DEPDC5: variants seen among roughly 807,000 people sequenced by gnomAD.
The protein encoded by DEPDC5 is GATOR1 complex protein DEPDC5.
Under a neutral mutation model 217.3 loss-of-function variants are expected in DEPDC5, and 73 were observed. The ratio of observed to expected loss-of-function variants is 0.34; its 90% CI spans 0.28 to 0.41. The LOEUF is 0.41. Ranked by LOEUF, DEPDC5 falls within the 10% of genes least tolerant of loss-of-function variation. DEPDC5 has a pLI of 1.00. For synonymous variants in DEPDC5, 733 were observed against 756.7 expected, an observed-to-expected ratio of 0.97 and a Z score of 0.51; for missense variants, 1,675 against 2,070.1, an observed-to-expected ratio of 0.81 and a Z score of 3.70.
intron 38 of DEPDC5, among the ~76,000 whole-genome samples, chr22:31,887,988 T>C (rs1403609578): frequency 2.6e-5 from 4 of 152,218 alleles, no homozygotes; most frequent in Admixed American, 6.5e-5. Context: ...TTGTTTTTTG[T>C]TTCAACATGT....
intron 7 of DEPDC5, among the ~76,000 whole-genome samples, chr22:31,777,182 A>G (rs1451242520): frequency 6.7e-6 from 1 of 149,412 alleles, no homozygotes; most frequent in Non-Finnish European, 1.5e-5. Context: ...GTGGTCTCGA[A>G]CTCCTGACCT....
chr22:31,806,823 A>T (rs2087596943), intron 18 of DEPDC5, among the ~76,000 whole-genome samples: 1 of 152,122 alleles, frequency 6.6e-6, no homozygotes, highest in Non-Finnish European at 1.5e-5. Flanking sequence ...CTGGGCAACA[A>T]ATATAGTGAG....
At chr22:31,769,035 C>T (rs912535527) in intron 7 of DEPDC5, 172 bp downstream of exon 7, 28 of 691,336 alleles carry the variant, frequency 4.1e-5, no homozygotes, top group Non-Finnish European at 5.5e-5. Flanking sequence ...CCAAGGTGGG[C>T]GGATCACGAG....
At chr22:31,804,585 G>A (rs1246267808) in intron 16 of DEPDC5, among the ~76,000 whole-genome samples, 7 of 152,076 alleles carry the variant, frequency 4.6e-5, no homozygotes, top group African/African-American at 1.4e-4. Context: ...GATTACAGGC[G>A]CCTGCCACCA....
At chr22:31,823,052 G>A (rs936828795) in intron 24 of DEPDC5, 8 of 417,224 alleles carry the variant, frequency 1.9e-5, no homozygotes, top group Non-Finnish European at 3.6e-5. Flanking sequence ...CAGCTTAGGA[G>A]CATAGTATTG....
intron 24 of DEPDC5, among the ~76,000 whole-genome samples, chr22:31,826,676 T>C (rs1453099608): frequency 1.3e-5 from 2 of 152,204 alleles, no homozygotes; most frequent in Non-Finnish European, 2.9e-5. Flanking sequence ...CATAACCCAA[T>C]TGTACAACTT....
Position 31,833,908 on chromosome 22 carries a change from TC to T in DEPDC5, c.2105-5del, listed in dbSNP as rs1400377462. The T allele has an allele frequency of 3.2e-6, 5 of 1,557,072 alleles. No individual in the cohort carries two copies. The highest frequency in any genetic ancestry group is 4.4e-6 in the Non-Finnish European group (5 of 1,148,038). Reference sequence around the variant, plus strand: ...TCTTAAGACAAGCTGTTTTTATCTTTCCATAGGTATGAATCCTAGGACCCAG... The same window carrying T: ...TCTTAAGACAAGCTGTTTTTATCTTTCATAGGTATGAATCCTAGGACCCAG... On this transcript the variant is annotated splice_polypyrimidine_tract_variant and splice_region_variant and intron_variant, in intron 24 of 42. Coordinates refer to ENST00000651528, the MANE Select transcript of DEPDC5 (RefSeq NM_001242896.3).
Position 31,797,376 on chromosome 22 carries a change from C to T in DEPDC5, c.768-224C>T, listed in dbSNP as rs572767338. On this transcript the variant is annotated intron_variant, in intron 12 of 42. Transcript: ENST00000651528. ...TACCATGGTGAAGCAGGAGAAAGAGCGAGCTCAGGGGAAACTGCCCCTTTT... is the reference window on the plus strand; with the variant it reads ...TACCATGGTGAAGCAGGAGAAAGAGTGAGCTCAGGGGAAACTGCCCCTTTT... Among the ~76,000 whole-genome samples, 6 of 152,148 alleles carry T rather than the reference C, an allele frequency of 3.9e-5. No individual in the cohort carries two copies. The East Asian group carries it at 5.8e-4, about 15-fold the overall frequency.
At chr22:31,858,092 G>C (rs1569126614) in intron 32 of DEPDC5, 1 of 152,158 alleles carries the variant, frequency 6.6e-6, no homozygotes, top group Non-Finnish European at 1.5e-5. Context: ...AAACCTCTTT[G>C]GTTCAATGCC....
intron 5 of DEPDC5, among the ~76,000 whole-genome samples, chr22:31,765,449 C>G (rs564247079): frequency 8.5e-5 from 13 of 152,140 alleles, no homozygotes; most frequent in African/African-American, 3.1e-4. Context: ...ACCACCGCAC[C>G]CAGCTAATTT....
At chr22:31,775,933 C>A (rs952796844) in intron 7 of DEPDC5, among the ~76,000 whole-genome samples, 2 of 148,996 alleles carry the variant, frequency 1.3e-5, no homozygotes, top group Non-Finnish European at 3.0e-5. Context: ...CCCAGCTACT[C>A]GGGAGGCTGA....
rs148601575 is a variant in DEPDC5, at chr22:31,839,559, C to T, written c.2515+714C>T. Among the ~76,000 whole-genome samples the T allele has an allele frequency of 3.8e-3, 570 of 151,952 alleles. 3 individuals are homozygous for T. Among genetic ancestry groups the T allele is most frequent in the South Asian group, 0.027 (128 of 4,820 alleles). On this transcript the variant is annotated intron_variant, in intron 27 of 42. Transcript: ENST00000651528. ...TCACCTAGTGATAACCTTGGATCAT[C>T]TTTGTCCCCATGAAAGCTTCTTGGG...
At chr22:31,795,348 G>A (rs925091898) in intron 12 of DEPDC5, among the ~76,000 whole-genome samples, 51 of 150,772 alleles carry the variant, frequency 3.4e-4, no homozygotes, top group South Asian at 1.1e-3. Flanking sequence ...GGGATTACAG[G>A]CATGAGCCAC....
chr22:31,804,790 C>G, intron 16 of DEPDC5, 52 bp from the exon 17 acceptor site: 1 of 1,575,070 alleles, frequency 6.3e-7, no homozygotes, highest in Admixed American at 1.8e-5. Flanking sequence ...AGAGCAGTTC[C>G]AAAACCTACT....
rs1161767456 is a variant in DEPDC5, at chr22:31,874,404, A to G, written c.3695A>G (p.Gln1232Arg). 6 of 1,610,412 alleles carry G rather than the reference A, an allele frequency of 3.7e-6. No individual in the cohort carries two copies. The highest frequency in any genetic ancestry group is 2.7e-5 in the African/African-American group (2 of 74,814). ...CAGGCGATGGCCATTGACATCATGCAGGTGAGACAGCAAGAGGGGCCCATA... is the reference window on the plus strand; with the variant it reads ...CAGGCGATGGCCATTGACATCATGCGGGTGAGACAGCAAGAGGGGCCCATA... ...QTQAMAIDIM[Q>R]KMLEEQLITH... is the part of the protein sequence containing the mutation. The change falls in exon 36 of 43, where the codon CAG (glutamine) becomes CGG (arginine). Residue 1232 changes from glutamine to arginine, a missense_variant and splice_region_variant. By Grantham distance (43) the Gln-to-Arg change is conservative. This residue lies in a region of DEPDC5 where 194 missense variants were observed against 199.3 expected (regional missense o/e 0.97). Coordinates refer to ENST00000651528, the MANE Select transcript of DEPDC5 (RefSeq NM_001242896.3).
intron 31 of DEPDC5, among the ~76,000 whole-genome samples, chr22:31,847,212 A>C (rs1221576645): frequency 6.6e-6 from 1 of 152,224 alleles, no homozygotes; most frequent in Non-Finnish European, 1.5e-5. Context: ...TAGCCCACAA[A>C]GTATTTCAAC....
At chr22:31,887,361 G>A (rs1208940842) in intron 38 of DEPDC5, among the ~76,000 whole-genome samples, 4 of 143,330 alleles carry the variant, frequency 2.8e-5, no homozygotes, top group Non-Finnish European at 6.0e-5. Flanking sequence ...AGAGGTTACA[G>A]TGTGCCGAGA....
chr22:31,782,657 C>T (rs965281675), intron 8 of DEPDC5, among the ~76,000 whole-genome samples: 4 of 152,202 alleles, frequency 2.6e-5, no homozygotes, highest in Admixed American at 2.6e-4. Flanking sequence ...AACTCATCAC[C>T]TGGCACATCT....
At chr22:31,877,878 C>T (rs1446262068) in intron 37 of DEPDC5, among the ~76,000 whole-genome samples, 1 of 151,856 alleles carries the variant, frequency 6.6e-6, no homozygotes, top group East Asian at 1.9e-4. Flanking sequence ...AATGGCTTCT[C>T]TGCCTCTGGG....
Sources: allele counts gnomAD v4.1 joint callset (sites outside exome capture counted in the v4.1 genomes callset), GRCh38; gene constraint gnomAD v4.1.1; regional missense constraint gnomAD v4.1.1; transcripts MANE v1.5; gene names NCBI Gene and HGNC (gene_info 2026-07-23, HGNC 2026-07-21).